FGF14: variants seen among roughly 807,000 people sequenced by gnomAD.
FGF14 encodes fibroblast growth factor 14, also known as fibroblast growth factor homologous factor 4.
In FGF14, 5 loss-of-function variants were observed where a neutral mutation model predicts 25.5. The observed-to-expected ratio is 0.20, with a 90% CI of 0.10 to 0.41. The LOEUF (loss-of-function observed/expected upper bound fraction) is 0.41, where lower values mean the gene tolerates loss of function less well. FGF14 is among the 10% of genes least tolerant of loss of function. FGF14 has a pLI of 1.00. For missense variants in FGF14, 222 were observed against 320.1 expected (o/e 0.69, Z 2.34); for synonymous variants, 138 against 118.3 (o/e 1.17, Z -1.08).
intron 1 of FGF14, among the ~76,000 whole-genome samples, chr13:102,197,092 AG>A (rs1268714190): frequency 6.6e-6 from 1 of 152,316 alleles, no homozygotes; most frequent in East Asian, 1.9e-4. Flanking sequence ...CTCAGGACAC[AG>A]TTATAGACAT....
chr13:101,753,021 G>C (rs2037392493), intron 3 of FGF14, among the ~76,000 whole-genome samples: 1 of 152,072 alleles, frequency 6.6e-6, no homozygotes, highest in East Asian at 1.9e-4. Context: ...TTTAATTATG[G>C]TTTGATAATT....
chr13:102,108,311 A>G (rs1194668573), intron 1 of FGF14, among the ~76,000 whole-genome samples: 1 of 152,096 alleles, frequency 6.6e-6, no homozygotes, highest in Non-Finnish European at 1.5e-5. Context: ...ACATTTTCCT[A>G]CTTATTACTT....
At chr13:101,783,468 C>A (rs79589131) in intron 3 of FGF14, among the ~76,000 whole-genome samples, 74 of 135,754 alleles carry the variant, frequency 5.5e-4, no homozygotes, top group Admixed American at 5.0e-4. Context: ...GACTCTGTCT[C>A]AAAAAAAAAA....
In FGF14 at chr13:101,954,699, A is replaced by AGTGTGT. The variant is rs5806259; in HGVS notation, c.209-79409_209-79404dup. ...AGAAGACAGTTCTGAATTCACTGAA[A>AGTGTGT]GTGTGTGTGTGTGTGTGTGTGTGCT... On this transcript the variant is annotated intron_variant, in intron 1 of 4. Transcript: ENST00000376131. Among the ~76,000 whole-genome samples, 365 of 150,862 alleles carry AGTGTGT rather than the reference A, an allele frequency of 2.4e-3. 3 individuals carry two copies. The highest frequency in any genetic ancestry group is 0.019 in the South Asian group (89 of 4,778).
intron 3 of FGF14, among the ~76,000 whole-genome samples, chr13:101,771,352 G>A (rs9300693): frequency 0.42 from 64,310 of 151,746 alleles, 14,851 homozygotes; most frequent in Non-Finnish European, 0.52. Context: ...GGCTTTAATC[G>A]TCAATGTGAA....
chr13:101,840,487 A>G (rs1192716882), intron 3 of FGF14, among the ~76,000 whole-genome samples: 2 of 151,456 alleles, frequency 1.3e-5, no homozygotes, highest in African/African-American at 2.4e-5. Context: ...ATTAATATAT[A>G]ATTTATAGAA....
intron 3 of FGF14, among the ~76,000 whole-genome samples, chr13:101,739,803 G>GA: frequency 6.6e-6 from 1 of 152,124 alleles, no homozygotes; most frequent in Non-Finnish European, 1.5e-5. Flanking sequence ...AAGAAAAAAA[G>GA]AAAAAACAAC....
intron 1 of FGF14, among the ~76,000 whole-genome samples, chr13:102,319,225 T>A (rs945615): frequency 2.0e-5 from 3 of 152,058 alleles, no homozygotes; most frequent in Non-Finnish European, 4.4e-5. Flanking sequence ...GAAAGGGAGA[T>A]CAGAAAGAAC....
intron 1 of FGF14, among the ~76,000 whole-genome samples, chr13:102,028,463 C>A (rs1046375884): frequency 6.6e-6 from 1 of 152,018 alleles, no homozygotes; most frequent in African/African-American, 2.4e-5. Flanking sequence ...AATTTTTGAG[C>A]CTTCAGAATG....
intron 1 of FGF14, among the ~76,000 whole-genome samples, chr13:102,180,183 A>C (rs1280751572): frequency 1.3e-5 from 2 of 152,344 alleles, no homozygotes; most frequent in Non-Finnish European, 1.5e-5. Context: ...GACACATCAT[A>C]TAAAATTGCT....
chr13:101,866,565 TATC>T (rs1276497402), intron 3 of FGF14, among the ~76,000 whole-genome samples: 4 of 150,308 alleles, frequency 2.7e-5, no homozygotes, highest in Non-Finnish European at 4.4e-5. Flanking sequence ...ATTGTACAAA[TATC>T]ATCACTATTG....
At chr13:102,302,529 C>T (rs1385748696) in intron 1 of FGF14, among the ~76,000 whole-genome samples, 2 of 152,246 alleles carry the variant, frequency 1.3e-5, no homozygotes, top group East Asian at 3.9e-4. Context: ...AATCCTCACC[C>T]TGTGCCCCAA....
At chr13:102,079,917 G>T (rs1019161418) in intron 1 of FGF14, among the ~76,000 whole-genome samples, 2 of 152,158 alleles carry the variant, frequency 1.3e-5, no homozygotes, top group Admixed American at 6.5e-5. Flanking sequence ...AAAGTAGTCT[G>T]CAAGCAGGAT....
chr13:101,846,618 C>T lies in FGF14; in HGVS notation c.408+22107G>A, dbSNP rs3007766. 8.3e-3 allele frequency among the ~76,000 whole-genome samples: 1,264 copies of T among 152,114 alleles called. 23 individuals carry two copies. The highest frequency in any genetic ancestry group is 0.029 in the African/African-American group (1,185 of 41,522). On this transcript the variant is annotated intron_variant, in intron 3 of 4. Transcript: ENST00000376143. ...CATAGGATGACCTCAGCACAGCCAACGTTGATCTTAAAATTCAGATTTCTC... is the reference window on the plus strand; with the variant it reads ...CATAGGATGACCTCAGCACAGCCAATGTTGATCTTAAAATTCAGATTTCTC...
intron 3 of FGF14, among the ~76,000 whole-genome samples, chr13:101,834,093 C>T (rs2984835): frequency 0.62 from 94,180 of 151,860 alleles, 30,527 homozygotes; most frequent in East Asian, 0.91. Context: ...ACAATAGAGA[C>T]TGAAAAAATG....
In FGF14 at chr13:101,712,978, G is replaced by A. The variant is rs1029192793; in HGVS notation, c.*9853C>T. ...TGAGAAGACGTGTATATTTCCTCAA[G>A]AGCATGCAAATCAACCTGGACCCTC... On this transcript the variant is annotated 3_prime_UTR_variant, in exon 5 of 5. Transcript: ENST00000376143. 6.6e-6 allele frequency: 1 copy of A among 152,152 alleles called. No individual in the cohort carries two copies. Among genetic ancestry groups the A allele is most frequent in the African/African-American group, 2.4e-5 (1 of 41,432 alleles). 9.4% of individuals were successfully genotyped at this position (152,152 alleles called of 1,614,324 possible).
At chr13:101,899,838 T>A (rs2031285013) in intron 1 of FGF14, among the ~76,000 whole-genome samples, 1 of 152,012 alleles carries the variant, frequency 6.6e-6, no homozygotes, top group Admixed American at 6.6e-5. Flanking sequence ...TTTGCTTCAG[T>A]AACTGATAAA....
intron 1 of FGF14, among the ~76,000 whole-genome samples, chr13:102,020,194 G>T (rs2040561351): frequency 6.6e-6 from 1 of 152,060 alleles, no homozygotes; most frequent in African/African-American, 2.4e-5. Context: ...CATGAGAGTG[G>T]TTGCAGAAAT....
intron 3 of FGF14, among the ~76,000 whole-genome samples, chr13:101,790,761 T>C (rs1325298287): frequency 1.3e-5 from 2 of 152,156 alleles, no homozygotes; most frequent in Non-Finnish European, 2.9e-5. Context: ...ATGAGTATTT[T>C]ATGTAAGGAT....
Sources: allele counts gnomAD v4.1 joint callset (sites outside exome capture counted in the v4.1 genomes callset), GRCh38; gene constraint gnomAD v4.1.1; transcripts MANE v1.5; gene names NCBI Gene and HGNC (gene_info 2026-07-23, HGNC 2026-07-21).